ANK2: variants seen among roughly 807,000 people sequenced by gnomAD.
ANK2 encodes the protein ankyrin-2.
Under a neutral mutation model 360.5 loss-of-function variants are expected in ANK2, and 83 were observed. The observed-to-expected ratio is 0.23, with a 90% CI of 0.19 to 0.28. The LOEUF (loss-of-function observed/expected upper bound fraction) is 0.28. ANK2 is among the 10% of genes least tolerant of loss of function. The pLI is 1.00. For missense variants in ANK2, 4,201 were observed against 4,795.7 expected, an observed-to-expected ratio of 0.88 and a Z score of 3.66; for synonymous variants, 1,740 against 1,759.5, an observed-to-expected ratio of 0.99 and a Z score of 0.28.
the ANK2 span, chr4:112,797,546 GA>G: frequency 5.8e-6 from 1 of 171,034 alleles, no homozygotes; most frequent in Non-Finnish European, 1.4e-5. Context: ...CTATTTTTGG[GA>G]ACAATACCAA....
At chr4:113,116,986 C>G (rs1227892478) in intron 1 of ANK2, 10 of 258,824 alleles carry the variant, frequency 3.9e-5, no homozygotes, top group Non-Finnish European at 5.4e-5. Context: ...TCTAGTGCTC[C>G]GCCTTCCCCC....
chr4:113,378,816 G>C (rs926943055), intron 45 of ANK2, among the ~76,000 whole-genome samples: 2 of 152,064 alleles, frequency 1.3e-5, no homozygotes, highest in African/African-American at 2.4e-5. Flanking sequence ...CTCTGTTATG[G>C]ATTTGATGTA....
At chr4:112,831,889 A>T (rs1333338127) in intron 1 of ANK2, among the ~76,000 whole-genome samples, 1 of 152,156 alleles carries the variant, frequency 6.6e-6, no homozygotes, top group East Asian at 1.9e-4. Flanking sequence ...GAAGGTTTGC[A>T]GCTTCACTCC....
At chr4:113,281,006 G>A (rs1356193466) in intron 17 of ANK2, among the ~76,000 whole-genome samples, 3 of 152,122 alleles carry the variant, frequency 2.0e-5, no homozygotes, top group African/African-American at 7.2e-5. Context: ...TGGGACCTCT[G>A]ATCAGACCCT....
chr4:113,379,713 G>A (rs919988810), intron 45 of ANK2, among the ~76,000 whole-genome samples: 1 of 152,018 alleles, frequency 6.6e-6, no homozygotes, highest in African/African-American at 2.4e-5. Context: ...TCCAGATGCA[G>A]AACAATTCAT....
Position 113,369,052 on chromosome 4 carries a change from T to G in ANK2, c.11319-462T>G, listed in dbSNP as rs184048700. Among the ~76,000 whole-genome samples the G allele has an allele frequency of 2.9e-3, 438 of 152,100 alleles. 2 individuals are homozygous for G. The highest frequency in any genetic ancestry group is 9.7e-3 in the African/African-American group (401 of 41,380). On this transcript the variant is annotated intron_variant, in intron 42 of 45. Transcript: ENST00000357077. ...ATTAAATAAAACAGTTTTTCAGAGG[T>G]ACAATAAGAATTTCCTTGTATTTAT...
chr4:113,293,589 A>G lies in ANK2; in HGVS notation c.2475+51A>G, dbSNP rs763362090. On this transcript the variant is annotated intron_variant, in intron 22 of 45. Coordinates refer to ENST00000357077, the MANE Select transcript of ANK2 (RefSeq NM_001148.6). ...CAGCCCTGTTATTCTTCGTTTTCAA[A>G]CTAAATACATGTACAGTACTTTTTC... 9 of 1,501,132 alleles carry G rather than the reference A, an allele frequency of 6.0e-6. No individual in the cohort carries two copies. The South Asian group carries it at 1.0e-4, about 17-fold the overall frequency. 93.0% of individuals were successfully genotyped at this position (1,501,132 alleles called of 1,614,324 possible). A position where few individuals can be genotyped will look rare whatever the true frequency, so the allele number is the denominator to read the frequency against.
At position 112,957,842 on chromosome 4, in the gene ANK2, G is replaced by T. The variant is rs565552801; in HGVS notation, c.21+53328G>T. Among the ~76,000 whole-genome samples the T allele has an allele frequency of 3.2e-3, 483 of 150,566 alleles. 3 individuals are homozygous for T. The highest frequency in any genetic ancestry group is 0.011 in the African/African-American group (445 of 40,290). Reference sequence around the variant, plus strand: ...AGGGGCTCCTCACTTCTCAGACGGGGCGGTTGCCAGGCAGAGGGTCTCCTC... The same window carrying T: ...AGGGGCTCCTCACTTCTCAGACGGGTCGGTTGCCAGGCAGAGGGTCTCCTC... On this transcript the variant is annotated intron_variant, in intron 2 of 30. Coordinates refer to the ANK2 transcript ENST00000503271.
chr4:112,883,747 G>A (rs2077454451), intron 1 of ANK2, among the ~76,000 whole-genome samples: 1 of 151,876 alleles, frequency 6.6e-6, no homozygotes, highest in Admixed American at 6.6e-5. Flanking sequence ...TTGCAGTCAT[G>A]CAATCAGAGA....
chr4:113,223,405 A>T (rs1452585865), intron 4 of ANK2, among the ~76,000 whole-genome samples: 1 of 152,116 alleles, frequency 6.6e-6, no homozygotes, highest in Non-Finnish European at 1.5e-5. Flanking sequence ...TTCTGTAACG[A>T]TTCTTATTTC....
chr4:113,196,387 A>G lies in ANK2; in HGVS notation c.206A>G (p.His69Arg). Residue 69 changes from histidine to arginine, a missense_variant, in exon 3 of 46, where the codon CAT becomes CGT. By Grantham distance (29) the His-to-Arg change is conservative (BLOSUM62 0). Transcript: ENST00000357077. ...TCNQNGLNAL[H>R]LAAKEGHVGL... ...TCTCAGAATGGACTCAACGCTCTCCATCTGGCTGCCAAGGAAGGCCACGTG... is the reference window on the plus strand; with the variant it reads ...TCTCAGAATGGACTCAACGCTCTCCGTCTGGCTGCCAAGGAAGGCCACGTG... 6.2e-7 allele frequency: 1 copy of G among 1,613,746 alleles called. No individual in the cohort carries two copies. The highest frequency in any genetic ancestry group is 8.5e-7 in the Non-Finnish European group (1 of 1,179,940).
chr4:113,273,988 T>C (rs766906011), intron 14 of ANK2, among the ~76,000 whole-genome samples: 1 of 152,230 alleles, frequency 6.6e-6, no homozygotes, highest in East Asian at 1.9e-4. Flanking sequence ...ATTTGTATCC[T>C]TGGCTTGCTG....
chr4:113,066,334 G>T (rs567658310), intron 1 of ANK2, among the ~76,000 whole-genome samples: 5 of 152,184 alleles, frequency 3.3e-5, no homozygotes, highest in Non-Finnish European at 5.9e-5. Context: ...AGGGTTACTG[G>T]TGGGGTGCCT....
In ANK2 at chr4:113,209,307, A is replaced by G. The variant is rs529673858; in HGVS notation, c.384+10198A>G. ...GTGAATGTTTCTTTCAGACCTTTGA[A>G]GATGTCAGACTCTCAGTTCACTTTT... On this transcript the variant is annotated intron_variant, in intron 4 of 45. Coordinates refer to ENST00000357077, the MANE Select transcript of ANK2 (RefSeq NM_001148.6). Among the ~76,000 whole-genome samples the G allele has an allele frequency of 4.8e-4, 73 of 152,010 alleles. 1 individual carries two copies. In the South Asian group the frequency reaches 0.012, roughly 25 times the overall value.
At chr4:113,011,735 G>A (rs2054806322) in intron 2 of ANK2, among the ~76,000 whole-genome samples, 1 of 151,980 alleles carries the variant, frequency 6.6e-6, no homozygotes, top group African/African-American at 2.4e-5. Flanking sequence ...ACAAAAATGG[G>A]GAGGTCAGAG....
At chr4:112,960,769 T>C (rs961879933) in intron 2 of ANK2, among the ~76,000 whole-genome samples, 6 of 152,134 alleles carry the variant, frequency 3.9e-5, no homozygotes, top group South Asian at 4.1e-4. Flanking sequence ...AATAAGATAA[T>C]TTATTTTATA....
At chr4:113,156,780 C>CTATA (rs10599338) in intron 1 of ANK2, among the ~76,000 whole-genome samples, 1 of 148,190 alleles carries the variant, frequency 6.7e-6, no homozygotes, top group Non-Finnish European at 1.5e-5. Context: ...TTCAAATGTC[C>CTATA]TATATATATA....
intron 9 of ANK2, among the ~76,000 whole-genome samples, chr4:113,243,071 T>C (rs114176407): frequency 1.1e-3 from 166 of 152,298 alleles, no homozygotes; most frequent in African/African-American, 3.5e-3. Flanking sequence ...TGACGTTATA[T>C]AATATGTAGT....
chr4:113,264,815 T>A, intron 13 of ANK2, 82 bp from the exon 14 acceptor site: 1 of 1,410,798 alleles, frequency 7.1e-7, no homozygotes, highest in Admixed American at 2.0e-5. Flanking sequence ...ATTGCTGAAT[T>A]TCACAAAAAG....
Sources: allele counts gnomAD v4.1 joint callset (sites outside exome capture counted in the v4.1 genomes callset), GRCh38; gene constraint gnomAD v4.1.1; transcripts MANE v1.5; gene names NCBI Gene and HGNC (gene_info 2026-07-23, HGNC 2026-07-21).